CCDC141: variants seen among roughly 807,000 people sequenced by gnomAD.
The protein encoded by CCDC141 is coiled-coil domain-containing protein 141.
CCDC141 carries 168 observed loss-of-function variants against 181.0 expected under a neutral mutation model. The observed-to-expected ratio is 0.93, with a 90% CI of 0.82 to 1.05. CCDC141 has a LOEUF of 1.05. CCDC141 is among the 50% of genes least tolerant of loss of function. The probability of loss-of-function intolerance (pLI) is 0.00; values close to 1 mark genes in which losing one functional copy is unlikely to be tolerated. For synonymous variants in CCDC141, 666 were observed against 642.3 expected (o/e 1.04, Z -0.56); for missense variants, 1,902 against 1,788.5 (o/e 1.06, Z -1.14).
At chr2:178,884,460 T>A (rs1268771222) in intron 11 of CCDC141, among the ~76,000 whole-genome samples, 1 of 152,192 alleles carries the variant, frequency 6.6e-6, no homozygotes, top group Admixed American at 6.6e-5. Context: ...CAACAATGCA[T>A]AATTTACTTT....
intron 20 of CCDC141, among the ~76,000 whole-genome samples, chr2:178,853,224 A>G (rs1323046888): frequency 1.3e-5 from 2 of 152,236 alleles, no homozygotes; most frequent in African/African-American, 4.8e-5. Flanking sequence ...TACACAAAGT[A>G]GGTAAAAATC....
intron 5 of CCDC141, among the ~76,000 whole-genome samples, chr2:178,949,759 A>G (rs923017916): frequency 6.6e-5 from 10 of 152,184 alleles, no homozygotes; most frequent in African/African-American, 2.4e-4. Flanking sequence ...CAGTGGTGAC[A>G]GCAAGAGCAG....
intron 11 of CCDC141, 81 bp from the exon 12 acceptor site, chr2:178,878,224 A>G: frequency 1.4e-6 from 1 of 709,682 alleles, no homozygotes; most frequent in Non-Finnish European, 2.1e-6. Context: ...ATAAAAACCT[A>G]TATAAAACCT....
intron 6 of CCDC141, among the ~76,000 whole-genome samples, chr2:178,935,460 T>C (rs553931265): frequency 6.6e-5 from 10 of 152,300 alleles, no homozygotes; most frequent in Non-Finnish European, 1.0e-4. Flanking sequence ...GATCTCATTC[T>C]TTTTTATGGC....
At position 179,032,995 on chromosome 2, in the gene CCDC141, TTA is replaced by T. The variant is rs536539189; in HGVS notation, c.225+14287_225+14288del. Among the ~76,000 whole-genome samples the T allele has an allele frequency of 5.5e-3, 803 of 147,176 alleles. 5 individuals are homozygous for T. The highest frequency in any genetic ancestry group is 0.017 in the African/African-American group (682 of 40,578). Reference sequence around the variant, plus strand: ...ATACATTATTATATATCTCAGAATATTATATATATATATAATATATAATATTA... The same window carrying T: ...ATACATTATTATATATCTCAGAATATTATATATATATAATATATAATATTA... On this transcript the variant is annotated intron_variant, in intron 2 of 23. Coordinates refer to ENST00000443758, the MANE Select transcript of CCDC141 (RefSeq NM_173648.4).
intron 8 of CCDC141, 128 bp downstream of exon 8, chr2:178,905,201 T>C: frequency 1.2e-6 from 1 of 849,450 alleles, no homozygotes; most frequent in Non-Finnish European, 1.8e-6. Context: ...CAATAGATCC[T>C]TTTAAGCCAT....
chr2:178,908,907 A>G (rs1688099987), intron 7 of CCDC141, among the ~76,000 whole-genome samples: 1 of 152,244 alleles, frequency 6.6e-6, no homozygotes, highest in Non-Finnish European at 1.5e-5. Context: ...TATAGTAGGT[A>G]CTTGGAAAAT....
chr2:178,998,303 G>A (rs975562033), intron 2 of CCDC141, among the ~76,000 whole-genome samples: 3 of 152,128 alleles, frequency 2.0e-5, no homozygotes, highest in Non-Finnish European at 4.4e-5. Flanking sequence ...ACAGTTCAGG[G>A]AAGATAATAC....
chr2:178,981,261 T>C (rs1691377472), intron 2 of CCDC141, among the ~76,000 whole-genome samples: 1 of 152,122 alleles, frequency 6.6e-6, no homozygotes, highest in Non-Finnish European at 1.5e-5. Flanking sequence ...AATTGGCATT[T>C]ATAGAATAAT....
chr2:178,983,103 C>T (rs1006456574), intron 2 of CCDC141, among the ~76,000 whole-genome samples: 26 of 152,164 alleles, frequency 1.7e-4, no homozygotes, highest in Admixed American at 9.2e-4. Flanking sequence ...TCTCCCAGTA[C>T]GCAGCTGGAG....
intron 5 of CCDC141, among the ~76,000 whole-genome samples, chr2:178,954,039 G>T (rs1559004288): frequency 6.6e-6 from 1 of 152,094 alleles, no homozygotes; most frequent in East Asian, 1.9e-4. Flanking sequence ...TATCCTTCCT[G>T]CCCCTAAAGG....
At chr2:179,043,706 C>T (rs752280433) in intron 2 of CCDC141, among the ~76,000 whole-genome samples, 33 of 152,130 alleles carry the variant, frequency 2.2e-4, no homozygotes, top group African/African-American at 6.3e-4. Flanking sequence ...ATGACAAACC[C>T]GCATCCAGTA....
At position 178,878,057 on chromosome 2, in the gene CCDC141, A is replaced by G; in HGVS notation, c.1806T>C (p.Cys602=). ...KEQDDAKAKH[C]SDSAEKQWQL... is the part of the protein sequence containing the mutation. ...GCCACTGCTTCTCAGCCGAGTCAGA[A>G]CAATGCTTGGCTTTAGCATCATCCT... Residue 602 remains cysteine (C), a synonymous_variant, in exon 12 of 24, where the codon TGT becomes TGC. Coordinates refer to ENST00000443758, the MANE Select transcript of CCDC141 (RefSeq NM_173648.4). 1 of 1,613,846 alleles carries G rather than the reference A, an allele frequency of 6.2e-7. No homozygotes were observed. Among genetic ancestry groups the G allele is most frequent in the South Asian group, 1.1e-5 (1 of 91,058 alleles).
intron 21 of CCDC141, among the ~76,000 whole-genome samples, chr2:178,847,463 C>A (rs1013890753): frequency 6.6e-6 from 1 of 152,054 alleles, no homozygotes; most frequent in Admixed American, 6.6e-5. Context: ...CCTGGGAAGT[C>A]GAGGCTGCCG....
downstream of CCDC141, among the ~76,000 whole-genome samples, chr2:178,826,729 A>G (rs972252832): frequency 6.6e-6 from 1 of 151,878 alleles, no homozygotes; most frequent in African/African-American, 2.4e-5. Flanking sequence ...TTTCATTTCT[A>G]TTATTAGTAA....
intron 7 of CCDC141, among the ~76,000 whole-genome samples, 176 bp downstream of exon 7, chr2:178,918,537 G>C (rs1160512130): frequency 6.6e-6 from 1 of 152,170 alleles, no homozygotes; most frequent in Non-Finnish European, 1.5e-5. Flanking sequence ...TTTCAGTTTT[G>C]AGAATCAAAT....
chr2:178,860,183 G>C (rs1685542904), intron 17 of CCDC141, among the ~76,000 whole-genome samples: 1 of 152,116 alleles, frequency 6.6e-6, no homozygotes, highest in South Asian at 2.1e-4. Flanking sequence ...TTCAGTAACA[G>C]AAAGCTGTGA....
At chr2:179,029,221 A>G (rs932070435) in intron 2 of CCDC141, among the ~76,000 whole-genome samples, 1 of 152,166 alleles carries the variant, frequency 6.6e-6, no homozygotes, top group Non-Finnish European at 1.5e-5. Flanking sequence ...GCTGATGACT[A>G]TGAGCCATCT....
intron 12 of CCDC141, chr2:178,874,068 A>G (rs1379038603): frequency 6.6e-6 from 1 of 152,210 alleles, no homozygotes; most frequent in African/African-American, 2.4e-5. Flanking sequence ...CCAATAAAGA[A>G]CAGAACACTC....
Sources: allele counts gnomAD v4.1 joint callset (sites outside exome capture counted in the v4.1 genomes callset), GRCh38; gene constraint gnomAD v4.1.1; transcripts MANE v1.5; gene names NCBI Gene and HGNC (gene_info 2026-07-23, HGNC 2026-07-21).